The following SORCS1 variants were observed in gnomAD, a reference collection of about 807,000 sequenced individuals.
The protein encoded by SORCS1 is VPS10 domain-containing receptor SorCS1.
A neutral mutation model predicts 146.1 loss-of-function variants in SORCS1; 60 were observed. The observed-to-expected ratio is 0.41, with a 90% CI of 0.33 to 0.51. The LOEUF is 0.51. Ranked by LOEUF, SORCS1 falls within the 20% of genes least tolerant of loss-of-function variation. The probability of loss-of-function intolerance (pLI) is 0.21; values close to 1 mark genes in which losing one functional copy is unlikely to be tolerated. For synonymous variants in SORCS1, 637 were observed against 584.0 expected, an observed-to-expected ratio of 1.09 and a Z score of -1.31; for missense variants, 1,352 against 1,487.6, an observed-to-expected ratio of 0.91 and a Z score of 1.50.
Position 106,577,366 on chromosome 10 carries a change from A to G in SORCS1, c.*54T>C. ...GTCATGAAGGATGATGTACTTGACA[A>G]GAGCGAAATTCTTTCCTGATCAGCA... On this transcript the variant is annotated 3_prime_UTR_variant, in exon 26 of 26. Transcript: ENST00000263054. The G allele has an allele frequency of 6.2e-7, 1 of 1,612,996 alleles. No homozygotes were observed. Among genetic ancestry groups the G allele is most frequent in the Non-Finnish European group, 8.5e-7 (1 of 1,179,312 alleles).
intron 2 of SORCS1, among the ~76,000 whole-genome samples, chr10:106,929,773 G>GCACA (rs36086801): frequency 3.8e-3 from 572 of 150,380 alleles, no homozygotes; most frequent in Middle Eastern, 0.02. Flanking sequence ...ATGTGCACGT[G>GCACA]CACACACACA....
intron 3 of SORCS1, among the ~76,000 whole-genome samples, chr10:106,828,396 C>T (rs958251255): frequency 3.3e-5 from 5 of 152,162 alleles, no homozygotes; most frequent in Non-Finnish European, 7.3e-5. Flanking sequence ...TCCAGAGCAA[C>T]AGTGGTGGGG....
chr10:106,591,897 T>A (rs1845625560), intron 24 of SORCS1, among the ~76,000 whole-genome samples: 1 of 152,194 alleles, frequency 6.6e-6, no homozygotes, highest in East Asian at 1.9e-4. Flanking sequence ...AATATTCCAA[T>A]CTGGAATATC....
chr10:107,155,385 A>G (rs1969194919), intron 1 of SORCS1, among the ~76,000 whole-genome samples: 1 of 152,204 alleles, frequency 6.6e-6, no homozygotes, highest in Admixed American at 6.5e-5. Context: ...TGTAAAATAT[A>G]GATGCCTGGT....
chr10:106,757,940 A>C (rs1858778021), intron 5 of SORCS1, among the ~76,000 whole-genome samples: 1 of 152,226 alleles, frequency 6.6e-6, no homozygotes, highest in Non-Finnish European at 1.5e-5. Flanking sequence ...GATAATGAGA[A>C]GCTTACTTCA....
intron 1 of SORCS1, among the ~76,000 whole-genome samples, chr10:107,024,617 G>T (rs1345491667): frequency 6.6e-6 from 1 of 152,174 alleles, no homozygotes. Context: ...CATGATTTGT[G>T]TGTAGGCTTT....
intron 3 of SORCS1, among the ~76,000 whole-genome samples, chr10:106,802,767 G>A (rs1946972576): frequency 6.6e-6 from 1 of 151,138 alleles, no homozygotes; most frequent in Admixed American, 6.6e-5. Context: ...CCAAAGTGCT[G>A]GAATTACAGG....
At chr10:107,021,975 G>A (rs1958167390) in intron 1 of SORCS1, among the ~76,000 whole-genome samples, 1 of 152,160 alleles carries the variant, frequency 6.6e-6, no homozygotes, top group South Asian at 2.1e-4. Flanking sequence ...AAGCAGAATA[G>A]CTCTGCCAAC....
intron 2 of SORCS1, among the ~76,000 whole-genome samples, chr10:106,934,192 G>A (rs1311970959): frequency 6.6e-6 from 1 of 151,774 alleles, no homozygotes; most frequent in Admixed American, 6.6e-5. Flanking sequence ...TTTATACACT[G>A]CTTATGGGAA....
intron 1 of SORCS1, among the ~76,000 whole-genome samples, chr10:107,021,505 C>A (rs1958133099): frequency 1.1e-5 from 1 of 90,430 alleles, no homozygotes; most frequent in Admixed American, 1.8e-4. Flanking sequence ...CAGAGCGACA[C>A]TCCGTCTCAA....
At chr10:107,031,445 C>T (rs575413766) in intron 1 of SORCS1, among the ~76,000 whole-genome samples, 1 of 151,894 alleles carries the variant, frequency 6.6e-6, no homozygotes, top group African/African-American at 2.4e-5. Flanking sequence ...GGCTTGGAGG[C>T]ACAGAGTAAC....
At chr10:106,708,452 C>G (rs1017943525) in intron 7 of SORCS1, among the ~76,000 whole-genome samples, 1 of 152,104 alleles carries the variant, frequency 6.6e-6, no homozygotes, top group African/African-American at 2.4e-5. Flanking sequence ...TACGTATAAG[C>G]TATTTAGTAA....
intron 6 of SORCS1, among the ~76,000 whole-genome samples, chr10:106,710,474 CTTGAG>C (rs908720157): frequency 4.0e-5 from 6 of 150,008 alleles, no homozygotes; most frequent in African/African-American, 1.5e-4. Context: ...GGAGGAGTTC[CTTGAG>C]TTAAGACTTT....
intron 6 of SORCS1, among the ~76,000 whole-genome samples, chr10:106,728,545 T>G (rs560174431): frequency 1.3e-5 from 2 of 152,126 alleles, no homozygotes; most frequent in African/African-American, 2.4e-5. Flanking sequence ...CCCAACTGAC[T>G]CTGTCAAAAA....
At chr10:106,628,800 T>C (rs563497322) in intron 19 of SORCS1, among the ~76,000 whole-genome samples, 2 of 152,336 alleles carry the variant, frequency 1.3e-5, no homozygotes, top group Admixed American at 6.5e-5. Flanking sequence ...ATTTCTTTAC[T>C]TGGGCTAATT....
At chr10:106,794,388 G>A (rs968560146) in intron 3 of SORCS1, among the ~76,000 whole-genome samples, 2 of 151,918 alleles carry the variant, frequency 1.3e-5, no homozygotes, top group African/African-American at 4.8e-5. Flanking sequence ...CCTTCTGGCT[G>A]TTCAAACAGA....
intron 1 of SORCS1, among the ~76,000 whole-genome samples, chr10:107,153,054 C>T (rs1400722734): frequency 6.6e-6 from 1 of 152,002 alleles, no homozygotes; most frequent in Non-Finnish European, 1.5e-5. Context: ...TGTTCTTTCT[C>T]TTCCCTTCTC....
chr10:107,074,957 C>T (rs185811816), intron 1 of SORCS1, among the ~76,000 whole-genome samples: 3 of 151,966 alleles, frequency 2.0e-5, no homozygotes, highest in African/African-American at 7.3e-5. Context: ...AGTAACTCAC[C>T]TTTATTGATA....
chr10:107,045,172 A>G (rs1959259169), intron 1 of SORCS1, among the ~76,000 whole-genome samples: 1 of 152,188 alleles, frequency 6.6e-6, no homozygotes, highest in Non-Finnish European at 1.5e-5. Context: ...CGATCCAATC[A>G]GACTTTTGTT....
Sources: gnomAD v4.1 joint callset for allele counts (sites outside exome capture counted in the v4.1 genomes callset) on GRCh38, gnomAD v4.1.1 for gene constraint, MANE v1.5 for transcripts, NCBI Gene and HGNC (gene_info 2026-07-23, HGNC 2026-07-21) for gene names.